Variants in TIMELESS observed in about 807,000 individuals in gnomAD.
TIMELESS encodes the protein timeless circadian regulator.
In TIMELESS, 124 loss-of-function variants were observed where a neutral mutation model predicts 164.3. The observed-to-expected ratio is 0.75, with a 90% CI of 0.65 to 0.88. The LOEUF (loss-of-function observed/expected upper bound fraction) is 0.88, where lower values mean the gene tolerates loss of function less well. Among genes scored for constraint, TIMELESS ranks in the 40% least tolerant of loss-of-function variants. TIMELESS has a pLI of 0.00. For synonymous variants in TIMELESS, 564 were observed against 563.4 expected (o/e 1.00, Z -0.02); for missense variants, 1,422 against 1,491.4 (o/e 0.95, Z 0.77).
At position 56,433,804 on chromosome 12, in the gene TIMELESS, G is replaced by T. The variant is rs773284881; in HGVS notation, c.220C>A (p.Gln74Lys). The change falls in exon 3 of 29, where the codon CAG (glutamine) becomes AAG (lysine). Residue 74 changes from glutamine to lysine, a missense_variant. Physicochemically the swap from Gln to Lys is moderately conservative, Grantham distance 53 (BLOSUM62 1). Transcript: ENST00000553532. ...DLLPILTQHH[Q>K]DKPLFDAVIR... ...ACAGCATCAAAGAGAGGCTTGTCCTGGTGGTGCTGGGTGAGGATGGGCAGA... is the reference window on the plus strand; with the variant it reads ...ACAGCATCAAAGAGAGGCTTGTCCTTGTGGTGCTGGGTGAGGATGGGCAGA... The T allele has an allele frequency of 6.2e-7, 1 of 1,614,128 alleles. No individual in the cohort carries two copies. The highest frequency in any genetic ancestry group is 8.5e-7 in the Non-Finnish European group (1 of 1,180,038).
intron 1 of TIMELESS, among the ~76,000 whole-genome samples, chr12:56,440,981 C>T (rs1466207996): frequency 8.6e-6 from 1 of 115,624 alleles, no homozygotes; most frequent in African/African-American, 3.0e-5. Context: ...CCATGCCAGG[C>T]TAATTTTTTT....
chr12:56,417,711 GCTCTTCAGTCATC>G lies in TIMELESS; in HGVS notation c.3619_*4del. On this transcript the variant is annotated stop_lost and 3_prime_UTR_variant, in exon 29 of 29. Transcript: ENST00000553532. Reference sequence around the variant, plus strand: ...TCTATCTCTACCCCTAGGCTTCTTAGCTCTTCAGTCATCCTCATCATCCTCAATCTGGTATCGT... The same window carrying G: ...TCTATCTCTACCCCTAGGCTTCTTAGCTCATCATCCTCAATCTGGTATCGT... 2 of 1,614,042 alleles carry G rather than the reference GCTCTTCAGTCATC, an allele frequency of 1.2e-6. No homozygotes were observed. The highest frequency in any genetic ancestry group is 1.7e-6 in the Non-Finnish European group (2 of 1,179,976).
In TIMELESS at chr12:56,423,899, A is replaced by G. The variant is rs769826682; in HGVS notation, c.1869-5T>C. ...TCTCCTTCAGGCCACACCTCCCTGG[A>G]GCACAGATAGAAAAAAGGCTTTACC... On this transcript the variant is annotated splice_region_variant and splice_polypyrimidine_tract_variant and intron_variant, in intron 15 of 28. Coordinates refer to ENST00000553532, the MANE Select transcript of TIMELESS (RefSeq NM_003920.5). 17 of 1,613,642 alleles carry G rather than the reference A, an allele frequency of 1.1e-5. No homozygotes were observed. Among genetic ancestry groups the G allele is most frequent in the Non-Finnish European group, 1.4e-5 (16 of 1,179,654 alleles).
Position 56,431,555 on chromosome 12 carries a change from C to G in TIMELESS, c.737G>C (p.Arg246Pro), listed in dbSNP as rs149964423. The change falls in exon 8 of 29, where the codon CGG becomes CCG. Residue 246 changes from arginine to proline, a missense_variant. Arg to Pro is a moderately radical substitution (Grantham distance 103). Coordinates refer to ENST00000553532, the MANE Select transcript of TIMELESS (RefSeq NM_003920.5). ...CTCCAGTTCTGCAAAATCTGCACTC[C>G]GCTCCTGAGCTAAGCGTCCCTGCCC... The part of the protein sequence containing the change: ...GVGQGRLAQE[R>P]SADFAELEVL... 6.2e-7 allele frequency: 1 copy of G among 1,613,720 alleles called. No homozygotes were observed. The highest frequency in any genetic ancestry group is 8.5e-7 in the Non-Finnish European group (1 of 1,179,976).
intron 15 of TIMELESS, among the ~76,000 whole-genome samples, chr12:56,424,433 T>G (rs1881604627): frequency 6.6e-6 from 1 of 152,212 alleles, no homozygotes; most frequent in Non-Finnish European, 1.5e-5. Flanking sequence ...AGTGAAACAA[T>G]GTATAACAAA....
chr12:56,437,531 G>C (rs1435263565), intron 1 of TIMELESS, among the ~76,000 whole-genome samples: 3 of 151,432 alleles, frequency 2.0e-5, no homozygotes, highest in Non-Finnish European at 2.9e-5. Context: ...CAGAAAATGA[G>C]GCAGGATAAT....
intron 26 of TIMELESS, among the ~76,000 whole-genome samples, chr12:56,418,799 TC>T (rs1881358086): frequency 6.6e-6 from 1 of 151,868 alleles, no homozygotes; most frequent in Non-Finnish European, 1.5e-5. Flanking sequence ...CAGGCCAGTC[TC>T]AAACGATCCT....
chr12:56,427,067 G>A (rs200624835), intron 13 of TIMELESS, among the ~76,000 whole-genome samples: 1 of 151,878 alleles, frequency 6.6e-6, no homozygotes, highest in Non-Finnish European at 1.5e-5. Flanking sequence ...AGTGATCCTC[G>A]TGCTTCAGCC....
At chr12:56,444,667 C>T (rs995171284) in intron 1 of TIMELESS, among the ~76,000 whole-genome samples, 4 of 152,058 alleles carry the variant, frequency 2.6e-5, no homozygotes, top group Non-Finnish European at 4.4e-5. Context: ...CGACCGCAGC[C>T]TCCCAAAGTG....
chr12:56,420,357 G>C (rs964485406), intron 26 of TIMELESS, among the ~76,000 whole-genome samples: 8 of 152,024 alleles, frequency 5.3e-5, no homozygotes, highest in African/African-American at 1.9e-4. Context: ...CAGTCTGGAA[G>C]ATGGATCTAG....
At chr12:56,420,780 C>T in intron 25 of TIMELESS, 33 bp downstream of exon 25, 1 of 1,613,920 alleles carries the variant, frequency 6.2e-7, no homozygotes, top group Non-Finnish European at 8.5e-7. Flanking sequence ...GCCTCCAGGG[C>T]TCTTCTCCTA....
At position 56,421,466 on chromosome 12, in the gene TIMELESS, A is replaced by G; in HGVS notation, c.2753T>C (p.Ile918Thr). ...DDVLGHIMKNITAKRSRARIV... is the reference protein window; with the variant it reads ...DDVLGHIMKNTTAKRSRARIV... ...TCGGGCCCGTGAGCGTTTGGCTGTG[A>G]TATTCTTCATGATATGACCCAGGAC... Residue 918 changes from isoleucine (I) to threonine (T), a missense_variant, in exon 23 of 29, where the codon ATC becomes ACC. Physicochemically the swap from Ile to Thr is moderately conservative, Grantham distance 89. Coordinates refer to ENST00000553532, the MANE Select transcript of TIMELESS (RefSeq NM_003920.5). The G allele has an allele frequency of 6.2e-7, 1 of 1,613,976 alleles. No individual in the cohort carries two copies. The highest frequency in any genetic ancestry group is 8.5e-7 in the Non-Finnish European group (1 of 1,179,946).
intron 5 of TIMELESS, 126 bp downstream of exon 5, chr12:56,433,255 C>T: frequency 1.5e-6 from 2 of 1,375,238 alleles, no homozygotes; most frequent in South Asian, 1.2e-5. Context: ...ACTGAGGCAG[C>T]CAGAGACTAT....
rs1032236346 is a variant in TIMELESS at position 56,428,333 on chromosome 12, T to G, written c.1481A>C (p.Gln494Pro). The G allele has an allele frequency of 2.5e-6, 4 of 1,613,638 alleles. No individual in the cohort carries two copies. The highest frequency in any genetic ancestry group is 3.4e-6 in the Non-Finnish European group (4 of 1,179,646). The change falls in exon 13 of 29, where the codon CAG becomes CCG. Residue 494 changes from glutamine to proline, a missense_variant. Coordinates refer to ENST00000553532, the MANE Select transcript of TIMELESS (RefSeq NM_003920.5). ...ALFRKFDERCQPRSFLRDLVE... is the reference protein window; with the variant it reads ...ALFRKFDERCPPRSFLRDLVE... The stretch of plus-strand genomic sequence containing the variant: ...CAGGTCACGAAGGAAAGAGCGGGGC[T>G]GGCATCTCTCATCAAACTTTCGAAA...
chr12:56,443,968 G>A (rs1272129821), intron 1 of TIMELESS, among the ~76,000 whole-genome samples: 5 of 148,726 alleles, frequency 3.4e-5, no homozygotes, highest in Admixed American at 2.0e-4. Context: ...GCGTGATTTC[G>A]GCTCACTGCA....
intron 1 of TIMELESS, among the ~76,000 whole-genome samples, chr12:56,444,986 GC>G (rs766010638): frequency 4.5e-4 from 68 of 151,452 alleles, no homozygotes; most frequent in Non-Finnish European, 3.2e-4. Context: ...TAACTGAATA[GC>G]ATTCTCTACC....
chr12:56,421,573 G>C (rs1881491474), intron 22 of TIMELESS, 80 bp from the exon 23 acceptor site: 17 of 1,552,576 alleles, frequency 1.1e-5, no homozygotes, highest in Non-Finnish European at 1.5e-5. Context: ...TCTGGAAAGA[G>C]GGTACCTCAA....
At chr12:56,430,836 T>C in intron 9 of TIMELESS, 45 bp downstream of exon 9, 1 of 1,323,206 alleles carries the variant, frequency 7.6e-7, no homozygotes, top group Non-Finnish European at 1.1e-6. Flanking sequence ...CTGCTTAAGC[T>C]ATGCAACTCC....
rs1303746600 is a variant in TIMELESS at position 56,425,133 on chromosome 12, C to T, written c.1598G>A (p.Arg533Lys). ...LVVQNKQKKRRKKKKKVLDQA... is the reference protein window; with the variant it reads ...LVVQNKQKKRKKKKKKVLDQA... ...GTCTAGGACCTTCTTCTTCTTCTTCCTTCTCTTCTTTTGTTTGTTCTGTGG... is the reference window on the plus strand; with the variant it reads ...GTCTAGGACCTTCTTCTTCTTCTTCTTTCTCTTCTTTTGTTTGTTCTGTGG... The change falls in exon 14 of 29, where the codon AGG (arginine) becomes AAG (lysine). Residue 533 changes from arginine (R) to lysine (K), a missense_variant. Arg to Lys is a conservative substitution (Grantham distance 26). Coordinates refer to ENST00000553532, the MANE Select transcript of TIMELESS (RefSeq NM_003920.5). 6.2e-7 allele frequency: 1 copy of T among 1,613,654 alleles called. No homozygotes were observed.
Sources: allele counts gnomAD v4.1 joint callset (sites outside exome capture counted in the v4.1 genomes callset), GRCh38; gene constraint gnomAD v4.1.1; transcripts MANE v1.5; gene names NCBI Gene and HGNC (gene_info 2026-07-23, HGNC 2026-07-21).